Variants in MINDY3 observed in about 807,000 individuals in gnomAD.
MINDY3 encodes ubiquitin carboxyl-terminal hydrolase MINDY-3.
A neutral mutation model predicts 69.2 loss-of-function variants in MINDY3; 38 were observed. The ratio of observed to expected loss-of-function variants is 0.55; its 90% confidence interval spans 0.42 to 0.72. The LOEUF (loss-of-function observed/expected upper bound fraction) is 0.72. Ranked by LOEUF, MINDY3 falls within the 30% of genes least tolerant of loss-of-function variation. The pLI is 0.00. For missense variants in MINDY3, 522 were observed against 519.0 expected, an observed-to-expected ratio of 1.01 and a Z score of -0.06; for synonymous variants, 192 against 180.1, an observed-to-expected ratio of 1.07 and a Z score of -0.53.
intron 4 of MINDY3, among the ~76,000 whole-genome samples, chr10:15,840,266 C>T (rs140015599): frequency 5.7e-4 from 86 of 151,780 alleles, no homozygotes; most frequent in African/African-American, 2.0e-3. Flanking sequence ...ATCCTTGTGA[C>T]TGTTTTCCAC....
intron 11 of MINDY3, among the ~76,000 whole-genome samples, chr10:15,794,007 C>T (rs201014978): frequency 6.6e-6 from 1 of 152,120 alleles, no homozygotes; most frequent in Admixed American, 6.6e-5. Context: ...AATATACCCA[C>T]AGCACAGTGT....
chr10:15,782,830 C>A (rs1836651269), intron 13 of MINDY3, among the ~76,000 whole-genome samples: 1 of 152,152 alleles, frequency 6.6e-6, no homozygotes, highest in South Asian at 2.1e-4. Context: ...CTATATATCA[C>A]TAACAGAGTA....
chr10:15,782,774 T>C (rs554929380), intron 13 of MINDY3, among the ~76,000 whole-genome samples: 3 of 152,348 alleles, frequency 2.0e-5, no homozygotes, highest in South Asian at 2.1e-4. Context: ...AACATACTTA[T>C]AATGCTTAAG....
At chr10:15,799,144 T>C (rs1009276300) in intron 10 of MINDY3, among the ~76,000 whole-genome samples, 12 of 152,088 alleles carry the variant, frequency 7.9e-5, no homozygotes, top group Admixed American at 1.3e-4. Context: ...CTGAGGGCCA[T>C]TTGCTGACCT....
chr10:15,846,721 A>G (rs1256948798), intron 2 of MINDY3, among the ~76,000 whole-genome samples: 1 of 142,692 alleles, frequency 7.0e-6, no homozygotes, highest in Non-Finnish European at 1.5e-5. Flanking sequence ...CAGTTTAGGA[A>G]TGCATTTTTT....
At chr10:15,780,317 C>A (rs1248162655) in intron 14 of MINDY3, among the ~76,000 whole-genome samples, 1 of 152,078 alleles carries the variant, frequency 6.6e-6, no homozygotes, top group African/African-American at 2.4e-5. Context: ...TTTTTGGCAT[C>A]TTTATTTTAG....
intron 8 of MINDY3, among the ~76,000 whole-genome samples, chr10:15,825,263 C>T (rs771437666): frequency 1.3e-5 from 2 of 152,154 alleles, no homozygotes; most frequent in Non-Finnish European, 2.9e-5. Context: ...ATTTCCAAAT[C>T]TGAAAAAAAT....
intron 10 of MINDY3, among the ~76,000 whole-genome samples, chr10:15,815,729 A>T (rs1437584710): frequency 1.3e-5 from 2 of 152,204 alleles, no homozygotes; most frequent in Non-Finnish European, 2.9e-5. Context: ...AATTTGTACT[A>T]GGCACTGCTA....
intron 8 of MINDY3, among the ~76,000 whole-genome samples, chr10:15,832,536 G>A (rs927100799): frequency 6.6e-6 from 1 of 152,142 alleles, no homozygotes; most frequent in Non-Finnish European, 1.5e-5. Flanking sequence ...AAAGAGAGCT[G>A]AGCAAGATAA....
intron 9 of MINDY3, chr10:15,817,865 A>T: frequency 6.6e-6 from 1 of 152,160 alleles, no homozygotes; most frequent in Non-Finnish European, 1.5e-5. Flanking sequence ...TATCACTAGG[A>T]GGGAAGTGGA....
chr10:15,814,820 A>C (rs541645487), intron 10 of MINDY3, among the ~76,000 whole-genome samples: 101 of 152,262 alleles, frequency 6.6e-4, no homozygotes, highest in Middle Eastern at 3.4e-3. Flanking sequence ...GAGTGTACTC[A>C]TAAAAAGAAG....
intron 1 of MINDY3, 47 bp from the exon 2 acceptor site, chr10:15,847,990 G>C (rs1833971775): frequency 5.5e-6 from 8 of 1,441,610 alleles, no homozygotes; most frequent in Non-Finnish European, 7.8e-6. Flanking sequence ...AATTCAAGTA[G>C]CAGCTAAAAG....
intron 6 of MINDY3, 68 bp from the exon 7 acceptor site, chr10:15,834,684 G>A: frequency 9.2e-7 from 1 of 1,086,220 alleles, no homozygotes. Flanking sequence ...TTTAAAAACT[G>A]ACTAGTTTAC....
intron 10 of MINDY3, among the ~76,000 whole-genome samples, chr10:15,808,732 G>A (rs1402462208): frequency 6.6e-6 from 1 of 152,076 alleles, no homozygotes; most frequent in African/African-American, 2.4e-5. Flanking sequence ...TCAAAGGAAA[G>A]GTCAAAGGTG....
rs780037747 is a variant in MINDY3 at position 15,834,538 on chromosome 10, A to G, written c.650+5T>C. The G allele has an allele frequency of 6.2e-7, 1 of 1,603,068 alleles. No individual in the cohort carries two copies. The highest frequency in any genetic ancestry group is 1.1e-5 in the South Asian group (1 of 89,018). The stretch of plus-strand genomic sequence containing the variant: ...ATGAGGAGACAAGAGATTTTAGTTA[A>G]TTACCTGCCATGTCCATATACAGGA... On this transcript the variant is annotated splice_donor_5th_base_variant and intron_variant, in intron 7 of 14. Coordinates refer to ENST00000277632, the MANE Select transcript of MINDY3 (RefSeq NM_024948.4).
At chr10:15,847,074 T>C (rs1162045430) in intron 2 of MINDY3, among the ~76,000 whole-genome samples, 1 of 152,162 alleles carries the variant, frequency 6.6e-6, no homozygotes, top group Admixed American at 6.5e-5. Context: ...TAAATATATA[T>C]ATTTTCAAAA....
intron 1 of MINDY3, among the ~76,000 whole-genome samples, chr10:15,858,375 A>T (rs565178523): frequency 1.3e-5 from 2 of 152,348 alleles, no homozygotes; most frequent in East Asian, 3.9e-4. Context: ...ATTTAGAATA[A>T]TGATTAGCCA....
At chr10:15,827,176 TAAA>T (rs56332799) in intron 8 of MINDY3, among the ~76,000 whole-genome samples, 12 of 44,840 alleles carry the variant, frequency 2.7e-4, no homozygotes, top group Non-Finnish European at 3.5e-4. Flanking sequence ...ATAACAGGAG[TAAA>T]AAAAAAAAAA....
chr10:15,841,660 T>C (rs747150442), intron 3 of MINDY3, 61 bp from the exon 4 acceptor site: 50 of 1,099,686 alleles, frequency 4.5e-5, no homozygotes, highest in Non-Finnish European at 5.8e-5. Context: ...AATTCTGTCA[T>C]GAATAACAAT....
Sources: allele counts gnomAD v4.1 joint callset (sites outside exome capture counted in the v4.1 genomes callset), GRCh38; gene constraint gnomAD v4.1.1; transcripts MANE v1.5; gene names NCBI Gene and HGNC (gene_info 2026-07-23, HGNC 2026-07-21).